The following CHRNE variants were observed in gnomAD, a reference collection of about 807,000 sequenced individuals.
The protein encoded by CHRNE is acetylcholine receptor subunit epsilon.
A neutral mutation model predicts 56.5 loss-of-function variants in CHRNE; 58 were observed. That is an observed-to-expected ratio of 1.03 (90% confidence interval 0.83 to 1.28). The LOEUF is 1.28. CHRNE is among the 50% of genes most tolerant of loss of function. CHRNE has a pLI of 0.00. For synonymous variants in CHRNE, 385 were observed against 297.9 expected (o/e 1.29, Z -3.01); for missense variants, 793 against 688.9 (o/e 1.15, Z -1.69).
chr17:4,899,071 T>C lies in CHRNE; in HGVS notation c.1256A>G (p.Glu419Gly). Residue 419 changes from glutamate (E) to glycine (G), a missense_variant, in exon 11 of 12, where the codon GAG (glutamate) becomes GGG (glycine). Glu to Gly is a moderately conservative substitution (Grantham distance 98). Coordinates refer to ENST00000649488, the MANE Select transcript of CHRNE (RefSeq NM_000080.4). The part of the protein sequence containing the change: ...FCQSLGAAAP[E>G]VRCCVDAVNF... Reference sequence around the variant, plus strand: ...CACGGCATCCACACAGCAGCGGACCTCGGGGGCGGCGGCGCCCAGGCTCTG... The same window carrying C: ...CACGGCATCCACACAGCAGCGGACCCCGGGGGCGGCGGCGCCCAGGCTCTG... The C allele has an allele frequency of 6.2e-7, 1 of 1,611,596 alleles. No individual in the cohort carries two copies. Among genetic ancestry groups the C allele is most frequent in the Non-Finnish European group, 8.5e-7 (1 of 1,179,602 alleles).
At chr17:4,905,658 C>T (rs552643761), upstream of CHRNE, among the ~76,000 whole-genome samples, 14 of 152,022 alleles carry the variant, frequency 9.2e-5, no homozygotes, top group South Asian at 2.9e-3. Flanking sequence ...GTCAAGAGTT[C>T]GAGACCAGTC....
At chr17:4,900,723 G>A in intron 8 of CHRNE, 70 bp downstream of exon 8, 2 of 1,511,200 alleles carry the variant, frequency 1.3e-6, no homozygotes, top group Non-Finnish European at 1.8e-6. Flanking sequence ...GCTTTTCCCG[G>A]GGTCTCTGGG....
chr17:4,906,638 A>T (rs1312113461), upstream of CHRNE, among the ~76,000 whole-genome samples: 1 of 152,126 alleles, frequency 6.6e-6, no homozygotes, highest in African/African-American at 2.4e-5. Context: ...GAATTGCTTG[A>T]GCCTGGGAGT....
In CHRNE at chr17:4,901,884, GCC is replaced by G. The variant is rs113559784; in HGVS notation, c.500+46_500+47del. ...TTCCCGGTTGGCCCCGCCCCATAAG[GCC>G]CCCCCCCAACAATAATCGTCCGGGC... On this transcript the variant is annotated intron_variant, in intron 5 of 11. Transcript: ENST00000649488. The G allele has an allele frequency of 9.2e-6, 14 of 1,526,466 alleles. No homozygotes were observed. The African/African-American group carries it at 1.4e-4, about 16-fold the overall frequency. 94.6% of individuals were successfully genotyped at this position (1,526,466 alleles called of 1,614,324 possible). A position where few individuals can be genotyped will look rare whatever the true frequency, so the allele number is the denominator to read the frequency against.
In CHRNE at chr17:4,899,700, G is replaced by A. The variant is rs143413388; in HGVS notation, c.918-118C>T. 1,027 of 1,479,956 alleles carry A rather than the reference G, an allele frequency of 6.9e-4. 3 individuals carry two copies. The African/African-American group carries it at 0.011, about 15-fold the overall frequency. The allele number at this position is 1,479,956 out of a possible 1,614,324, so 91.7% of individuals were successfully genotyped here. A position where few individuals can be genotyped will look rare whatever the true frequency, so the allele number is the denominator to read the frequency against. On this transcript the variant is annotated intron_variant, in intron 8 of 11. Transcript: ENST00000649488. Reference sequence around the variant, plus strand: ...CGGGCTGGTTACGCCCTCCAGCTGCGCCCCCTACACGACGACAGACGCGTC... The same window carrying A: ...CGGGCTGGTTACGCCCTCCAGCTGCACCCCCTACACGACGACAGACGCGTC...
chr17:4,900,578 C>T, intron 8 of CHRNE: 1 of 1,548,066 alleles, frequency 6.5e-7, no homozygotes, highest in Non-Finnish European at 8.7e-7. Flanking sequence ...CCGGACTGTC[C>T]CCCAAGAGAG....
Position 4,901,891 on chromosome 17 carries a change from C to CCCCCG in CHRNE, c.500+40_500+41insCGGGG, listed in dbSNP as rs367599263. 852 of 1,606,166 alleles carry CCCCCG rather than the reference C, an allele frequency of 5.3e-4. 2 individuals carry two copies. The African/African-American group carries it at 8.2e-3, about 16-fold the overall frequency. ...TTGGCCCCGCCCCATAAGGCCCCCC[C>CCCCCG]CCAACAATAATCGTCCGGGCCTCGG... On this transcript the variant is annotated intron_variant, in intron 5 of 11. Coordinates refer to ENST00000649488, the MANE Select transcript of CHRNE (RefSeq NM_000080.4).
intron 8 of CHRNE, chr17:4,900,082 C>T: frequency 6.4e-7 from 1 of 1,550,996 alleles, no homozygotes. Context: ...CGAAGCCCAC[C>T]CTGGGGCTGG....
At position 4,901,643 on chromosome 17, in the gene CHRNE, G is replaced by A. The variant is rs772873394; in HGVS notation, c.501-18C>T. 5.0e-6 allele frequency: 8 copies of A among 1,610,498 alleles called. No individual in the cohort carries two copies. In the African/African-American group the frequency reaches 9.3e-5, roughly 19 times the overall value. On this transcript the variant is annotated intron_variant, in intron 5 of 11. Transcript: ENST00000649488. ...TCTGAGAGCTGCGGAGCCAGGGCCGGGAGCCCACCCCAGAAGCTCTGACCT... is the reference window on the plus strand; with the variant it reads ...TCTGAGAGCTGCGGAGCCAGGGCCGAGAGCCCACCCCAGAAGCTCTGACCT...
At chr17:4,899,828 G>T in intron 8 of CHRNE, 34 of 1,551,204 alleles carry the variant, frequency 2.2e-5, no homozygotes, top group Non-Finnish European at 3.0e-5. Flanking sequence ...GCTCCACCGA[G>T]GTGAGGCTAC....
chr17:4,901,042 G>C lies in CHRNE; in HGVS notation c.750C>G (p.Pro250=). 1 of 1,614,070 alleles carries C rather than the reference G, an allele frequency of 6.2e-7. No homozygotes were observed. Among genetic ancestry groups the C allele is most frequent in the Middle Eastern group, 1.6e-4 (1 of 6,062 alleles). ...PLFYVINIIV[P]CVLISGLVLL... ...GCACCAGGCCCGAGATGAGCACACA[G>C]GGCACGATGATGTTAATGACGTAGA... Residue 250 remains proline (P), a synonymous_variant, in exon 7 of 12, where the codon CCC becomes CCG. Transcript: ENST00000649488.
chr17:4,901,884 G>GCT, intron 5 of CHRNE, 48 bp downstream of exon 5: 4 of 1,526,280 alleles, frequency 2.6e-6, no homozygotes, highest in Non-Finnish European at 3.6e-6. Context: ...GCCCCATAAG[G>GCT]CCCCCCCCCA....
intron 5 of CHRNE, 47 bp downstream of exon 5, chr17:4,901,885 C>CCG: frequency 1.0e-6 from 1 of 980,006 alleles, no homozygotes; most frequent in Admixed American, 2.0e-5. Context: ...CCCCATAAGG[C>CCG]CCCCCCCCAA....
At chr17:4,900,155 TG>T (rs1244413047) in intron 8 of CHRNE, 3 of 1,548,744 alleles carry the variant, frequency 1.9e-6, no homozygotes, top group Non-Finnish European at 2.6e-6. Flanking sequence ...GGTGGGGTAC[TG>T]GGGGGCTTAG....
chr17:4,900,425 G>A (rs1282949875), intron 8 of CHRNE: 1 of 1,551,046 alleles, frequency 6.4e-7, no homozygotes, highest in Non-Finnish European at 8.7e-7. Context: ...GGCTATGCCT[G>A]TGTGGACGGG....
chr17:4,900,772 C>G (rs767266015), intron 8 of CHRNE, 21 bp downstream of exon 8: 2 of 1,607,208 alleles, frequency 1.2e-6, no homozygotes, highest in Non-Finnish European at 1.7e-6. Flanking sequence ...GGCCACACCC[C>G]CGCGGGGGCT....
Position 4,898,630 on chromosome 17 carries a change from G to C in CHRNE, c.*106C>G. 3 of 1,441,006 alleles carry C rather than the reference G, an allele frequency of 2.1e-6. No homozygotes were observed. The highest frequency in any genetic ancestry group is 2.8e-6 in the Non-Finnish European group (3 of 1,058,288). 89.3% of individuals were successfully genotyped at this position (1,441,006 alleles called of 1,614,324 possible). On this transcript the variant is annotated 3_prime_UTR_variant, in exon 12 of 12. Transcript: ENST00000649488. Reference sequence around the variant, plus strand: ...ATTCTTGTGAAGTTCACAAACTGCAGATTGATCAGCAGGGGGAAGGGATCA... The same window carrying C: ...ATTCTTGTGAAGTTCACAAACTGCACATTGATCAGCAGGGGGAAGGGATCA...
chr17:4,900,315 G>A (rs1969938224), intron 8 of CHRNE: 2 of 1,545,458 alleles, frequency 1.3e-6, no homozygotes, highest in Middle Eastern at 1.7e-4. Context: ...CAGGGATCCG[G>A]GTGCAGCGCT....
At chr17:4,900,179 T>G in intron 8 of CHRNE, 1 of 1,544,948 alleles carries the variant, frequency 6.5e-7, no homozygotes, top group South Asian at 1.2e-5. Context: ...TACGCGGCGA[T>G]CGGGTAGCGG....
Sources: allele counts gnomAD v4.1 joint callset (sites outside exome capture counted in the v4.1 genomes callset), GRCh38; gene constraint gnomAD v4.1.1; transcripts MANE v1.5; gene names NCBI Gene and HGNC (gene_info 2026-07-23, HGNC 2026-07-21).